The following NICOL1 variants were observed in gnomAD, a reference collection of about 807,000 sequenced individuals.
NICOL1 encodes the protein NELL2 interacting cell ontogeny regulator 1.
the NICOL1 span, among the ~76,000 whole-genome samples, chr4:2,041,401 G>C: frequency 6.6e-6 from 1 of 152,324 alleles, no homozygotes; most frequent in East Asian, 1.9e-4. Flanking sequence ...CCTGTGGTCG[G>C]GGCTCCGCGC....
At chr4:2,042,016 C>A in the NICOL1 span, 1 of 1,471,470 alleles carries the variant, frequency 6.8e-7, no homozygotes, top group Non-Finnish European at 8.9e-7. Flanking sequence ...GCGCCGGACG[C>A]GGAACGTCTG....
At chr4:2,042,548 G>A in the NICOL1 span, 4 of 455,158 alleles carry the variant, frequency 8.8e-6, no homozygotes, top group African/African-American at 4.1e-5. Flanking sequence ...GTGCGGGGCC[G>A]GGGCTCTGCG....
chr4:2,036,968 T>C, the NICOL1 span, among the ~76,000 whole-genome samples: 1 of 151,920 alleles, frequency 6.6e-6, no homozygotes, highest in Admixed American at 6.6e-5. Context: ...GCCACTCAAA[T>C]CTCGTGTGGA....
the NICOL1 span, chr4:2,042,309 AC>A: frequency 1.5e-6 from 1 of 681,628 alleles, no homozygotes; most frequent in Non-Finnish European, 2.2e-6. Flanking sequence ...GGCGCCGCTG[AC>A]CCCTCGCTGG....
the NICOL1 span, among the ~76,000 whole-genome samples, chr4:2,043,291 C>T: frequency 2.6e-5 from 4 of 152,246 alleles, no homozygotes; most frequent in African/African-American, 7.2e-5. Context: ...GGTTAAGGCC[C>T]CTCCAAGCCT....
the NICOL1 span, among the ~76,000 whole-genome samples, chr4:2,041,487 G>C: frequency 6.6e-6 from 1 of 152,282 alleles, no homozygotes; most frequent in Admixed American, 6.5e-5. Context: ...AGCCGGGAGG[G>C]ACCGAGCAGG....
the NICOL1 span, chr4:2,042,093 G>A: frequency 2.7e-6 from 4 of 1,483,754 alleles, no homozygotes; most frequent in Non-Finnish European, 3.6e-6. Context: ...GCGGGCGTCC[G>A]AATGGGCGTT....
the NICOL1 span, among the ~76,000 whole-genome samples, chr4:2,038,400 G>A: frequency 6.6e-6 from 1 of 151,214 alleles, no homozygotes; most frequent in East Asian, 1.9e-4. Context: ...GGATCCTCCT[G>A]CCTCAGCCTC....
chr4:2,042,690 G>C, the NICOL1 span: 1 of 1,180,924 alleles, frequency 8.5e-7, no homozygotes, highest in African/African-American at 1.6e-5. Flanking sequence ...GGCCTTGCGG[G>C]TGACCCCCCC....
chr4:2,042,156 C>A, the NICOL1 span: 14 of 1,372,442 alleles, frequency 1.0e-5, no homozygotes, highest in Admixed American at 3.4e-5. Context: ...GACCGGCGGA[C>A]TGGAGTCGGG....
the NICOL1 span, chr4:2,042,415 C>A: frequency 2.0e-6 from 1 of 496,670 alleles, no homozygotes; most frequent in Non-Finnish European, 3.5e-6. Flanking sequence ...GCTGCTGCTG[C>A]TGCTGAGTCT....
the NICOL1 span, chr4:2,042,847 T>C: frequency 2.1e-6 from 3 of 1,461,642 alleles, no homozygotes; most frequent in African/African-American, 2.9e-5. Flanking sequence ...GGCGCGACGG[T>C]CCTCCCGGGC....
chr4:2,038,286 A>AT, the NICOL1 span, among the ~76,000 whole-genome samples: 5 of 102,434 alleles, frequency 4.9e-5, no homozygotes, highest in Non-Finnish European at 1.1e-4. Context: ...TATATATATA[A>AT]AATTAAAATT....
At chr4:2,042,406 C>G in the NICOL1 span, 1 of 499,026 alleles carries the variant, frequency 2.0e-6, no homozygotes, top group Non-Finnish European at 3.5e-6. Flanking sequence ...GCCGCCGCTG[C>G]TGCTGCTGCT....
the NICOL1 span, among the ~76,000 whole-genome samples, chr4:2,040,500 C>T: frequency 2.6e-5 from 4 of 152,230 alleles, no homozygotes; most frequent in Admixed American, 2.6e-4. Context: ...GGCGCGTCCC[C>T]GGAGGCACGT....
At chr4:2,039,952 T>C in the NICOL1 span, among the ~76,000 whole-genome samples, 2 of 152,110 alleles carry the variant, frequency 1.3e-5, no homozygotes, top group Non-Finnish European at 2.9e-5. Context: ...TGTTATTTAT[T>C]GAGAAAAAGG....
chr4:2,037,598 CTT>C, the NICOL1 span, among the ~76,000 whole-genome samples: 3 of 152,028 alleles, frequency 2.0e-5, no homozygotes, highest in Non-Finnish European at 4.4e-5. Context: ...CGGGAAATAA[CTT>C]GACTTCTTCT....
the NICOL1 span, chr4:2,042,531 CAG>C: frequency 4.6e-6 from 2 of 435,432 alleles, no homozygotes; most frequent in Non-Finnish European, 8.1e-6. Flanking sequence ...GGGCTGGCGA[CAG>C]GGGCGTGCGG....
the NICOL1 span, among the ~76,000 whole-genome samples, chr4:2,038,351 G>A: frequency 6.8e-6 from 1 of 148,018 alleles, no homozygotes; most frequent in Non-Finnish European, 1.5e-5. Context: ...GCAGTGGCAC[G>A]ACCATGACTC....
Sources: allele counts gnomAD v4.1 joint callset (sites outside exome capture counted in the v4.1 genomes callset), GRCh38; gene constraint gnomAD v4.1.1; transcripts MANE v1.5; gene names NCBI Gene and HGNC (gene_info 2026-07-23, HGNC 2026-07-21).